The following TENM2 variants were observed in gnomAD, a reference collection of about 807,000 sequenced individuals.
TENM2 encodes teneurin transmembrane protein 2.
TENM2 carries 52 observed loss-of-function variants against 245.2 expected under a neutral mutation model. The observed-to-expected ratio is 0.21, with a 90% CI of 0.17 to 0.27. The LOEUF is 0.27. TENM2 is among the 10% of genes least tolerant of loss of function. The probability of loss-of-function intolerance (pLI) is 1.00; values close to 1 mark genes in which losing one functional copy is unlikely to be tolerated. For missense variants in TENM2, 3,046 were observed against 3,666.8 expected, an observed-to-expected ratio of 0.83 and a Z score of 4.37; for synonymous variants, 1,363 against 1,438.9, an observed-to-expected ratio of 0.95 and a Z score of 1.19.
intron 2 of TENM2, among the ~76,000 whole-genome samples, chr5:167,501,744 G>T (rs1769227560): frequency 6.6e-6 from 1 of 152,072 alleles, no homozygotes; most frequent in Non-Finnish European, 1.5e-5. Flanking sequence ...TAGAAGATTT[G>T]GAGACACTGT....
Position 167,604,001 on chromosome 5 carries a change from T to C in TENM2, c.502+228528T>C, listed in dbSNP as rs150896506. Among the ~76,000 whole-genome samples the C allele has an allele frequency of 2.2e-3, 341 of 152,316 alleles. 2 individuals are homozygous for C. Among genetic ancestry groups the C allele is most frequent in the Non-Finnish European group, 4.0e-3 (273 of 68,018 alleles). On this transcript the variant is annotated intron_variant, in intron 2 of 28. Transcript: ENST00000518659. ...CAAATTTCCCCATTTAATAAACAGC[T>C]GCCTGCTGTAGTGGGGCACATGTAT...
chr5:167,391,732 G>T (rs2127363776), intron 2 of TENM2, among the ~76,000 whole-genome samples: 2 of 152,098 alleles, frequency 1.3e-5, no homozygotes, highest in East Asian at 3.9e-4. Context: ...TAGGATTTGG[G>T]GCTTATTCAT....
At chr5:167,193,337 G>C in the TENM2 span, among the ~76,000 whole-genome samples, 1 of 152,012 alleles carries the variant, frequency 6.6e-6, no homozygotes. Flanking sequence ...CTGTTAAGTG[G>C]AAGTGTGAAT....
chr5:167,126,927 A>C, the TENM2 span, among the ~76,000 whole-genome samples: 1 of 152,042 alleles, frequency 6.6e-6, no homozygotes, highest in African/African-American at 2.4e-5. Context: ...TTTCATGCAC[A>C]GTTATTTGAC....
chr5:167,886,420 A>G (rs1270384528), intron 3 of TENM2, among the ~76,000 whole-genome samples: 2 of 152,248 alleles, frequency 1.3e-5, no homozygotes, highest in South Asian at 2.1e-4. Flanking sequence ...TGACTTAGCT[A>G]TTAAATCAGA....
the TENM2 span, among the ~76,000 whole-genome samples, chr5:167,230,469 TA>T: frequency 6.6e-6 from 1 of 152,182 alleles, no homozygotes; most frequent in South Asian, 2.1e-4. Flanking sequence ...ATCCAGTCAC[TA>T]TTTTGGTTCT....
intron 4 of TENM2, among the ~76,000 whole-genome samples, chr5:167,968,781 A>G (rs564231405): frequency 1.3e-5 from 2 of 152,262 alleles, no homozygotes; most frequent in South Asian, 2.1e-4. Flanking sequence ...GGGAGCTATT[A>G]GGCCCACTGA....
intron 1 of TENM2, chr5:167,294,267 A>G (rs1245276435): frequency 6.6e-6 from 1 of 152,184 alleles, no homozygotes; most frequent in Non-Finnish European, 1.5e-5. Flanking sequence ...AATTGGAGGT[A>G]TCCTGTAGGC....
intron 3 of TENM2, among the ~76,000 whole-genome samples, chr5:167,931,563 A>C (rs1477160746): frequency 6.6e-6 from 1 of 151,882 alleles, no homozygotes; most frequent in Non-Finnish European, 1.5e-5. Flanking sequence ...AAAAAAAAAA[A>C]AAAAAAAACA....
intron 1 of TENM2, among the ~76,000 whole-genome samples, chr5:167,307,439 T>A (rs1478843571): frequency 2.0e-5 from 3 of 152,160 alleles, no homozygotes; most frequent in Non-Finnish European, 4.4e-5. Context: ...TGACAGATGC[T>A]ATTTCTCTGG....
At chr5:167,791,247 ACTC>A (rs1764936287) in intron 2 of TENM2, among the ~76,000 whole-genome samples, 1 of 151,488 alleles carries the variant, frequency 6.6e-6, no homozygotes. Context: ...TACATTGTAA[ACTC>A]CTAGAAACAG....
At chr5:167,290,015 T>C (rs551381940) in intron 1 of TENM2, among the ~76,000 whole-genome samples, 3 of 152,342 alleles carry the variant, frequency 2.0e-5, no homozygotes, top group Admixed American at 2.0e-4. Context: ...TTGCTTTCCA[T>C]TTATTTTCCC....
chr5:167,509,485 A>G (rs1424250561), intron 2 of TENM2, among the ~76,000 whole-genome samples: 1 of 152,218 alleles, frequency 6.6e-6, no homozygotes. Flanking sequence ...AGGTGCCTTT[A>G]ATCGACACTT....
intron 2 of TENM2, among the ~76,000 whole-genome samples, chr5:167,717,943 C>A (rs918629619): frequency 7.9e-5 from 12 of 152,168 alleles, no homozygotes; most frequent in Non-Finnish European, 1.8e-4. Context: ...TTGTCAAATA[C>A]CCTGACTTCT....
chr5:168,148,913 A>T (rs915066805), intron 12 of TENM2, among the ~76,000 whole-genome samples: 4 of 115,840 alleles, frequency 3.5e-5, no homozygotes, highest in African/African-American at 1.0e-4. Context: ...ATAGATAGAT[A>T]GATAGATTGA....
At chr5:167,749,310 T>C (rs1157805531) in intron 2 of TENM2, among the ~76,000 whole-genome samples, 1 of 152,114 alleles carries the variant, frequency 6.6e-6, no homozygotes, top group African/African-American at 2.4e-5. Flanking sequence ...ATAAAAGATG[T>C]TCATATATCC....
chr5:167,734,463 A>T (rs1379758564), intron 2 of TENM2, among the ~76,000 whole-genome samples: 1 of 148,438 alleles, frequency 6.7e-6, no homozygotes, highest in Non-Finnish European at 1.5e-5. Context: ...TATTAATTAG[A>T]TATAATCATA....
intron 2 of TENM2, among the ~76,000 whole-genome samples, chr5:167,426,039 C>T (rs1048074108): frequency 6.6e-6 from 1 of 152,068 alleles, no homozygotes; most frequent in Admixed American, 6.6e-5. Flanking sequence ...TGCCACCCTC[C>T]TCATTTTTGT....
In TENM2 at chr5:168,227,971, C is replaced by G. The variant is rs369313923; in HGVS notation, c.5361C>G (p.Ser1787Arg). The change falls in exon 25 of 29, where the codon AGC (serine) becomes AGG (arginine). Residue 1787 changes from serine to arginine, a missense_variant. Physicochemically the swap from Ser to Arg is moderately radical, Grantham distance 110 (BLOSUM62 -1). This residue lies in a region of TENM2 where 2,704 missense variants were observed against 3,331.9 expected (regional missense o/e 0.81). Transcript: ENST00000518659. ...TGTATGCTAATGGGATGGGTATCAG[C>G]TTCCACAGCGAGCCCCATGTCCTAG... 33 of 1,613,640 alleles carry G rather than the reference C, an allele frequency of 2.0e-5. No homozygotes were observed. The highest frequency in any genetic ancestry group is 2.8e-5 in the Non-Finnish European group (33 of 1,179,812).
Sources: allele counts gnomAD v4.1 joint callset (sites outside exome capture counted in the v4.1 genomes callset), GRCh38; gene constraint gnomAD v4.1.1; regional missense constraint gnomAD v4.1.1; transcripts MANE v1.5; gene names NCBI Gene and HGNC (gene_info 2026-07-23, HGNC 2026-07-21).